RGSL1: variants seen among roughly 807,000 people sequenced by gnomAD.
RGSL1 encodes the protein regulator of G protein signaling like 1.
Under a neutral mutation model 124.7 loss-of-function variants are expected in RGSL1, and 97 were observed. The ratio of observed to expected loss-of-function variants is 0.78; its 90% CI spans 0.66 to 0.92. The LOEUF is 0.92. Among genes scored for constraint, RGSL1 ranks in the 40% least tolerant of loss-of-function variants. The pLI, the probability that RGSL1 is intolerant of heterozygous loss-of-function variation, is 0.00. For missense variants in RGSL1, 1,233 were observed against 1,288.4 expected (o/e 0.96, Z 0.66); for synonymous variants, 424 against 438.1 (o/e 0.97, Z 0.40).
At position 182,548,712 on chromosome 1, in the gene RGSL1, G is replaced by C; in HGVS notation, c.2821G>C (p.Glu941Gln). ...IPPKLRVNVP[E>Q]FQKDAILAAI... ...ACTCTGTGGGTAGGTGAATGTCCCT[G>C]AGTTCCAGAAGGATGCCATCCTTGC... Residue 941 changes from glutamate (E) to glutamine (Q), a missense_variant, in exon 17 of 22, where the codon GAG becomes CAG. Transcript: ENST00000294854. The C allele has an allele frequency of 6.4e-7, 1 of 1,551,616 alleles. No homozygotes were observed. Among genetic ancestry groups the C allele is most frequent in the Non-Finnish European group, 8.7e-7 (1 of 1,146,980 alleles).
intron 9 of RGSL1, among the ~76,000 whole-genome samples, chr1:182,498,099 G>T (rs993207730): frequency 3.9e-5 from 6 of 151,984 alleles, no homozygotes; most frequent in Admixed American, 6.6e-5. Flanking sequence ...TAAGTATTGT[G>T]GGGGGTGTAC....
chr1:182,519,640 T>C (rs1211602624), intron 9 of RGSL1, among the ~76,000 whole-genome samples: 2 of 152,154 alleles, frequency 1.3e-5, no homozygotes, highest in Non-Finnish European at 2.9e-5. Context: ...TTTTCAGTTA[T>C]TATCTCCTTA....
At chr1:182,507,150 T>C (rs502602) in intron 9 of RGSL1, 131,083 of 151,972 alleles carry the variant, frequency 0.86, 56,853 homozygotes, top group African/African-American at 0.9. Context: ...CCACCATGCC[T>C]GGCTAATTTT....
Position 182,552,523 on chromosome 1 carries a change from G to A in RGSL1, c.3044-932G>A, listed in dbSNP as rs557100377. Among the ~76,000 whole-genome samples, 17 of 152,270 alleles carry A rather than the reference G, an allele frequency of 1.1e-4. No individual in the cohort carries two copies. The South Asian group carries it at 3.5e-3, about 32-fold the overall frequency. Reference sequence around the variant, plus strand: ...TCTGAAAACCAAAGAAAACAGGTCTGTGAATCTGGGAACAGCATCAGAGAG... The same window carrying A: ...TCTGAAAACCAAAGAAAACAGGTCTATGAATCTGGGAACAGCATCAGAGAG... On this transcript the variant is annotated intron_variant, in intron 18 of 21. Transcript: ENST00000294854.
At chr1:182,475,620 A>G (rs185746339) in intron 6 of RGSL1, among the ~76,000 whole-genome samples, 5 of 152,252 alleles carry the variant, frequency 3.3e-5, no homozygotes, top group Non-Finnish European at 7.4e-5. Context: ...GTTGAGGGAT[A>G]TAACTAGTTC....
At chr1:182,479,788 G>A (rs1416198774) in intron 6 of RGSL1, among the ~76,000 whole-genome samples, 2 of 152,144 alleles carry the variant, frequency 1.3e-5, no homozygotes, top group African/African-American at 4.8e-5. Flanking sequence ...AAAGGTTGAA[G>A]AAAGATATTT....
At chr1:182,465,361 G>C (rs2102012050) in intron 4 of RGSL1, among the ~76,000 whole-genome samples, 1 of 150,922 alleles carries the variant, frequency 6.6e-6, no homozygotes. Flanking sequence ...ACTATCTCAA[G>C]GACAAAAAAC....
intron 14 of RGSL1, 90 bp downstream of exon 14, chr1:182,532,881 G>A: frequency 1.5e-6 from 2 of 1,365,372 alleles, no homozygotes; most frequent in South Asian, 1.4e-5. Context: ...TTTGTGTCAT[G>A]CCTGCGGCAG....
intron 6 of RGSL1, among the ~76,000 whole-genome samples, chr1:182,479,729 G>A (rs760799610): frequency 6.6e-6 from 1 of 152,062 alleles, no homozygotes. Context: ...AAGACCCAAA[G>A]ATACAAAAGA....
At position 182,472,540 on chromosome 1, in the gene RGSL1, T is replaced by C; in HGVS notation, c.446T>C (p.Leu149Pro). The C allele has an allele frequency of 6.5e-7, 1 of 1,534,052 alleles. No homozygotes were observed. Among genetic ancestry groups the C allele is most frequent in the Non-Finnish European group, 8.8e-7 (1 of 1,135,650 alleles). Residue 149 changes from leucine to proline, a missense_variant, in exon 5 of 22, where the codon CTC (leucine) becomes CCC (proline). Leu to Pro is a moderately conservative substitution (Grantham distance 98). Coordinates refer to ENST00000294854, the MANE Select transcript of RGSL1 (RefSeq NM_001137669.2). ...HLQEGSRVVT[L>P]CNMNIKSLLN... is the part of the protein sequence containing the mutation. The stretch of plus-strand genomic sequence containing the variant: ...CAGGAGGGCTCCAGGGTGGTAACCC[T>C]CTGTAACATGAACATCAGTAAGAAT...
chr1:182,506,241 T>C (rs1303159778), intron 9 of RGSL1, among the ~76,000 whole-genome samples: 1 of 152,220 alleles, frequency 6.6e-6, no homozygotes, highest in Non-Finnish European at 1.5e-5. Context: ...TAAATGTCTA[T>C]AAGACATGTA....
chr1:182,498,906 C>T (rs899355528), intron 9 of RGSL1, among the ~76,000 whole-genome samples: 5 of 151,796 alleles, frequency 3.3e-5, no homozygotes, highest in African/African-American at 1.2e-4. Flanking sequence ...GATTCTCCTG[C>T]CTCAGCCTCC....
At position 182,530,307 on chromosome 1, in the gene RGSL1, C is replaced by T. The variant is rs771203189; in HGVS notation, c.2189C>T (p.Thr730Ile). 141 of 1,551,104 alleles carry T rather than the reference C, an allele frequency of 9.1e-5. No homozygotes were observed. The highest frequency in any genetic ancestry group is 1.2e-4 in the Non-Finnish European group (139 of 1,146,590). The change falls in exon 12 of 22, where the codon ACA becomes ATA. Residue 730 changes from threonine to isoleucine, a missense_variant. Transcript: ENST00000294854. ...ATCGCTTCCATGCGTCATGTCACCA[C>T]AAGCACACTGTTAACGCTCCAGGGA... is the stretch of plus-strand genomic sequence containing the variant. ...KEIASMRHVT[T>I]STLLTLQGHV...
At chr1:182,532,025 C>T (rs560198908) in intron 13 of RGSL1, among the ~76,000 whole-genome samples, 27 of 152,234 alleles carry the variant, frequency 1.8e-4, no homozygotes, top group African/African-American at 6.5e-4. Context: ...TAAAGCGAGG[C>T]TTATGTTGTT....
intron 17 of RGSL1, 197 bp from the exon 18 acceptor site, chr1:182,550,903 G>A (rs546109868): frequency 1.6e-5 from 9 of 574,188 alleles, no homozygotes; most frequent in African/African-American, 1.5e-4. Flanking sequence ...CCGCGCTGGA[G>A]CCAGGTCTGG....
At chr1:182,530,731 G>T (rs1659112324) in intron 12 of RGSL1, 59 bp from the exon 13 acceptor site, 3 of 1,467,250 alleles carry the variant, frequency 2.0e-6, no homozygotes, top group South Asian at 2.8e-5. Context: ...TGCCTGGACT[G>T]TCATCTTTTA....
intron 9 of RGSL1, among the ~76,000 whole-genome samples, chr1:182,507,862 C>T (rs1416282668): frequency 1.3e-5 from 2 of 152,108 alleles, no homozygotes; most frequent in African/African-American, 4.8e-5. Context: ...TGCCACCACA[C>T]CCAGCTAATT....
At chr1:182,497,746 T>C (rs1372919366) in intron 9 of RGSL1, among the ~76,000 whole-genome samples, 2 of 152,202 alleles carry the variant, frequency 1.3e-5, no homozygotes, top group East Asian at 3.8e-4. Context: ...CAAGTCTATT[T>C]TTACAGAGGT....
chr1:182,529,613 T>C (rs539095960), intron 11 of RGSL1, among the ~76,000 whole-genome samples: 90 of 152,314 alleles, frequency 5.9e-4, no homozygotes, highest in African/African-American at 2.1e-3. Flanking sequence ...GTTTGGTTTT[T>C]GCTTGTAGTA....
Sources: allele counts gnomAD v4.1 joint callset (sites outside exome capture counted in the v4.1 genomes callset), GRCh38; gene constraint gnomAD v4.1.1; transcripts MANE v1.5; gene names NCBI Gene and HGNC (gene_info 2026-07-23, HGNC 2026-07-21).